Variants in UBAP2 observed in about 807,000 individuals in gnomAD.
UBAP2 encodes ubiquitin-associated protein 2.
In UBAP2, 75 loss-of-function variants were observed where a neutral mutation model predicts 139.6. That is an observed-to-expected ratio of 0.54 (90% CI 0.45 to 0.65). The LOEUF is 0.65. Among genes scored for constraint, UBAP2 ranks in the 30% least tolerant of loss-of-function variants. The pLI is 0.00. For missense variants in UBAP2, 1,368 were observed against 1,369.6 expected, an observed-to-expected ratio of 1.00 and a Z score of 0.02; for synonymous variants, 526 against 526.2, an observed-to-expected ratio of 1.00 and a Z score of 0.01.
chr9:33,949,125 C>A (rs1011814708), intron 12 of UBAP2, among the ~76,000 whole-genome samples: 1 of 150,842 alleles, frequency 6.6e-6, no homozygotes, highest in Non-Finnish European at 1.5e-5. Context: ...AGAGATCACG[C>A]CACTGCACTA....
chr9:33,941,794 A>G lies in UBAP2; in HGVS notation c.1784T>C (p.Ile595Thr). Residue 595 changes from isoleucine to threonine, a missense_variant, in exon 16 of 29, where the codon ATT (isoleucine) becomes ACT (threonine). Coordinates refer to ENST00000379238, the MANE Select transcript of UBAP2 (RefSeq NM_001370062.2). ...VQNSTYTTSVITSCSLTSSSL... is the reference protein window; with the variant it reads ...VQNSTYTTSVTTSCSLTSSSL... Reference sequence around the variant, plus strand: ...TGAGCTTGTCAGACTGCAGGAGGTAATGACGGAAGTTGTATATGTGGAGTT... The same window carrying G: ...TGAGCTTGTCAGACTGCAGGAGGTAGTGACGGAAGTTGTATATGTGGAGTT... 1 of 1,614,150 alleles carries G rather than the reference A, an allele frequency of 6.2e-7. No individual in the cohort carries two copies. The highest frequency in any genetic ancestry group is 8.5e-7 in the Non-Finnish European group (1 of 1,180,004).
At chr9:33,990,431 C>T (rs1821603144) in intron 4 of UBAP2, among the ~76,000 whole-genome samples, 1 of 152,036 alleles carries the variant, frequency 6.6e-6, no homozygotes, top group Admixed American at 6.6e-5. Context: ...TTCTGCAAAG[C>T]TGTGATGAAC....
At chr9:33,968,909 T>C (rs1827678021) in intron 8 of UBAP2, among the ~76,000 whole-genome samples, 1 of 152,230 alleles carries the variant, frequency 6.6e-6, no homozygotes, top group South Asian at 2.1e-4. Context: ...GCCTTAGACA[T>C]TTCAGATAAA....
chr9:33,949,402 C>A (rs1027428647), intron 12 of UBAP2, among the ~76,000 whole-genome samples: 3 of 151,810 alleles, frequency 2.0e-5, no homozygotes, highest in Non-Finnish European at 2.9e-5. Context: ...GATGACCCTG[C>A]AAGATCAAAT....
At chr9:34,030,772 T>A (rs978621778) in intron 1 of UBAP2, among the ~76,000 whole-genome samples, 3 of 151,240 alleles carry the variant, frequency 2.0e-5, no homozygotes, top group African/African-American at 7.3e-5. Flanking sequence ...TAAAAGTATT[T>A]TTAAAAAATT....
chr9:33,944,568 C>T lies in UBAP2; in HGVS notation c.1342G>A (p.Ala448Thr). Residue 448 changes from alanine to threonine, a missense_variant, in exon 14 of 29, where the codon GCA becomes ACA. Physicochemically the swap from Ala to Thr is moderately conservative, Grantham distance 58. Transcript: ENST00000379238. ...AAACCAGGAGGAGGAACAGTGACTG[C>T]CTGGCTCTGGTGCTGTTGTCGCTGG... ...LSQRQQHQSQ[A>T]VTVPPPGLES... 6.2e-7 allele frequency: 1 copy of T among 1,614,110 alleles called. No homozygotes were observed. The highest frequency in any genetic ancestry group is 1.1e-5 in the South Asian group (1 of 91,072).
intron 2 of UBAP2, among the ~76,000 whole-genome samples, chr9:34,010,427 T>TAAAAAAAAAAA (rs57695373): frequency 9.2e-6 from 1 of 108,342 alleles, no homozygotes; most frequent in Non-Finnish European, 1.8e-5. Context: ...CTCTGCCTCA[T>TAAAAAAAAAAA]AAAAAAAAAA....
rs1466013950 is a variant in UBAP2, at chr9:33,948,354, CACAA to C, written c.1270+16_1270+19del. On this transcript the variant is annotated intron_variant, in intron 13 of 28. Coordinates refer to ENST00000379238, the MANE Select transcript of UBAP2 (RefSeq NM_001370062.2). ...GAAACGTCCTCAGTAGGGGCAAACC[CACAA>C]ACAATGTATACCTACCAAGATGACT... The C allele has an allele frequency of 3.8e-6, 6 of 1,575,202 alleles. No homozygotes were observed. The highest frequency in any genetic ancestry group is 1.9e-4 in the Middle Eastern group (1 of 5,350).
At chr9:33,987,464 G>A (rs963796063) in intron 5 of UBAP2, among the ~76,000 whole-genome samples, 1 of 151,858 alleles carries the variant, frequency 6.6e-6, no homozygotes, top group Admixed American at 6.6e-5. Context: ...ATCCAGGTAT[G>A]GTTGTGACAG....
intron 2 of UBAP2, among the ~76,000 whole-genome samples, chr9:34,013,743 G>A (rs1823980808): frequency 6.6e-6 from 1 of 151,682 alleles, no homozygotes; most frequent in Non-Finnish European, 1.5e-5. Flanking sequence ...CAGGCATGGT[G>A]ATACATGCCT....
At position 33,922,693 on chromosome 9, in the gene UBAP2, A is replaced by C. The variant is rs1324491061; in HGVS notation, c.3258T>G (p.Asp1086Glu). The change falls in exon 28 of 29, where the codon GAT (aspartate) becomes GAG (glutamate). Residue 1086 changes from aspartate to glutamate, a missense_variant. Asp to Glu is a conservative substitution (Grantham distance 45). Coordinates refer to ENST00000379238, the MANE Select transcript of UBAP2 (RefSeq NM_001370062.2). ...SQLLHHHLPQDAQSGSGQRSQ... is the reference protein window; with the variant it reads ...SQLLHHHLPQEAQSGSGQRSQ... ...CCTCCATCACTGTACTCACCTGTGC[A>C]TCCTGCGGAAGGTGGTGGTGCAGCA... The C allele has an allele frequency of 1.3e-6, 2 of 1,553,016 alleles. No individual in the cohort carries two copies. The highest frequency in any genetic ancestry group is 1.4e-5 in the African/African-American group (1 of 73,286).
chr9:34,015,456 A>C (rs1322042079), intron 2 of UBAP2, among the ~76,000 whole-genome samples: 1 of 150,536 alleles, frequency 6.6e-6, no homozygotes, highest in Non-Finnish European at 1.5e-5. Context: ...ACTAACTGCC[A>C]TTACAGGCAC....
intron 2 of UBAP2, among the ~76,000 whole-genome samples, chr9:34,005,035 G>T (rs1823065291): frequency 6.6e-6 from 1 of 151,904 alleles, no homozygotes; most frequent in South Asian, 2.1e-4. Context: ...GGCTGAGGCA[G>T]GCGGATCACT....
chr9:33,930,937 A>G (rs1823926291), intron 19 of UBAP2, among the ~76,000 whole-genome samples: 1 of 151,166 alleles, frequency 6.6e-6, no homozygotes, highest in East Asian at 1.9e-4. Context: ...TAATGGGGAA[A>G]TGACTACATG....
chr9:33,934,687 G>A (rs1453057417), intron 17 of UBAP2, among the ~76,000 whole-genome samples: 1 of 152,164 alleles, frequency 6.6e-6, no homozygotes, highest in Non-Finnish European at 1.5e-5. Context: ...ACAAAATGGG[G>A]AGGGAAGGGG....
chr9:34,041,257 A>C (rs1016142576), intron 1 of UBAP2, among the ~76,000 whole-genome samples: 2 of 150,800 alleles, frequency 1.3e-5, no homozygotes, highest in African/African-American at 4.9e-5. Context: ...GTTCGAGACC[A>C]GCCTGCCCAA....
chr9:34,011,355 T>G lies in UBAP2; in HGVS notation c.99+5695A>C, dbSNP rs974863708. Reference sequence around the variant, plus strand: ...TATTATATGACACAAATACTGTATTTCTCTTCAGTAATATCTTTTTTATTC... The same window carrying G: ...TATTATATGACACAAATACTGTATTGCTCTTCAGTAATATCTTTTTTATTC... On this transcript the variant is annotated intron_variant, in intron 2 of 28. Coordinates refer to ENST00000379238, the MANE Select transcript of UBAP2 (RefSeq NM_001370062.2). Among the ~76,000 whole-genome samples, 5 of 152,250 alleles carry G rather than the reference T, an allele frequency of 3.3e-5. No homozygotes were observed. In the South Asian group the frequency reaches 8.3e-4, roughly 25 times the overall value.
At chr9:33,955,531 A>T (rs1826485246) in intron 11 of UBAP2, among the ~76,000 whole-genome samples, 2 of 148,920 alleles carry the variant, frequency 1.3e-5, no homozygotes, top group African/African-American at 5.0e-5. Context: ...AAAAAACAAA[A>T]CAAAACAAAA....
At chr9:34,018,234 T>TC (rs904172387) in intron 1 of UBAP2, among the ~76,000 whole-genome samples, 1 of 151,682 alleles carries the variant, frequency 6.6e-6, no homozygotes, top group African/African-American at 2.4e-5. Flanking sequence ...TTACAATTTT[T>TC]TTTTTTTTTT....
Sources: allele counts gnomAD v4.1 joint callset (sites outside exome capture counted in the v4.1 genomes callset), GRCh38; gene constraint gnomAD v4.1.1; transcripts MANE v1.5; gene names NCBI Gene and HGNC (gene_info 2026-07-23, HGNC 2026-07-21).